The following UBE2G1 variants were observed in gnomAD, a reference collection of about 807,000 sequenced individuals.
UBE2G1 encodes ubiquitin conjugating enzyme E2 G1.
UBE2G1 carries 5 observed loss-of-function variants against 22.7 expected under a neutral mutation model. The ratio of observed to expected loss-of-function variants is 0.22; its 90% CI spans 0.12 to 0.46. UBE2G1 has a LOEUF of 0.46. Among genes scored for constraint, UBE2G1 ranks in the 20% least tolerant of loss-of-function variants. UBE2G1 has a pLI of 0.99. For missense variants in UBE2G1, 88 were observed against 203.9 expected (o/e 0.43, Z 3.46); for synonymous variants, 74 against 67.5 (o/e 1.10, Z -0.47).
chr17:4,356,184 C>G (rs924746505), intron 1 of UBE2G1, among the ~76,000 whole-genome samples: 3 of 150,812 alleles, frequency 2.0e-5, no homozygotes, highest in Admixed American at 2.0e-4. Flanking sequence ...GGAGAAACCC[C>G]GTCTCTACTA....
chr17:4,341,734 C>G (rs2032572642), intron 1 of UBE2G1, among the ~76,000 whole-genome samples: 1 of 152,178 alleles, frequency 6.6e-6, no homozygotes, highest in Admixed American at 6.5e-5. Flanking sequence ...AGGCTCATAC[C>G]AATCCGTCCA....
intron 1 of UBE2G1, among the ~76,000 whole-genome samples, chr17:4,313,140 A>G (rs900725468): frequency 6.6e-6 from 1 of 152,240 alleles, no homozygotes; most frequent in African/African-American, 2.4e-5. Flanking sequence ...AGATATAAAC[A>G]AAGAGGTATA....
At chr17:4,302,998 G>T (rs779895044) in intron 2 of UBE2G1, among the ~76,000 whole-genome samples, 1 of 152,092 alleles carries the variant, frequency 6.6e-6, no homozygotes, top group Non-Finnish European at 1.5e-5. Context: ...GAAAAACACA[G>T]GAGCTTCTTT....
chr17:4,290,200 C>T (rs534917729), intron 3 of UBE2G1, among the ~76,000 whole-genome samples: 18 of 151,922 alleles, frequency 1.2e-4, no homozygotes, highest in Non-Finnish European at 1.5e-4. Context: ...ATTTACCCAC[C>T]GTAAATTTTT....
intron 5 of UBE2G1, among the ~76,000 whole-genome samples, chr17:4,279,212 T>G (rs1234094083): frequency 6.7e-6 from 1 of 149,852 alleles, no homozygotes; most frequent in Non-Finnish European, 1.5e-5. Flanking sequence ...GAGGCGGAGG[T>G]TGCAGTGAGC....
At chr17:4,283,073 T>G in intron 4 of UBE2G1, 152 bp from the exon 5 acceptor site, 1 of 632,190 alleles carries the variant, frequency 1.6e-6, no homozygotes, top group Non-Finnish European at 2.6e-6. Context: ...TTAGACATAC[T>G]TTTTCAAGAC....
intron 1 of UBE2G1, among the ~76,000 whole-genome samples, chr17:4,319,900 A>G (rs1001912946): frequency 6.6e-6 from 1 of 152,148 alleles, no homozygotes; most frequent in Admixed American, 6.5e-5. Flanking sequence ...GAAAGGGACC[A>G]GTGTAGTTAC....
At chr17:4,364,314 A>G (rs1397195401) in intron 1 of UBE2G1, 1 of 133,584 alleles carries the variant, frequency 7.5e-6, no homozygotes, top group Non-Finnish European at 1.6e-5. Flanking sequence ...TTTTTGAGAC[A>G]CAGTCTCGCT....
intron 1 of UBE2G1, among the ~76,000 whole-genome samples, chr17:4,357,213 G>C (rs1025756927): frequency 6.6e-6 from 1 of 152,016 alleles, no homozygotes; most frequent in Non-Finnish European, 1.5e-5. Flanking sequence ...TGTCCCTCCT[G>C]CCTATCACTT....
At chr17:4,355,596 C>G (rs1381977463) in intron 1 of UBE2G1, among the ~76,000 whole-genome samples, 1 of 142,306 alleles carries the variant, frequency 7.0e-6, no homozygotes, top group African/African-American at 2.6e-5. Flanking sequence ...GGGCTGAGAT[C>G]GTGCCACTAC....
intron 1 of UBE2G1, among the ~76,000 whole-genome samples, chr17:4,348,910 C>G (rs1969812712): frequency 6.6e-6 from 1 of 151,584 alleles, no homozygotes. Context: ...ATAATAGGGC[C>G]GGGCACGGTC....
intron 4 of UBE2G1, 120 bp downstream of exon 4, chr17:4,289,106 TACAC>T (rs71144179): frequency 0.41 from 212,333 of 514,616 alleles, 33,072 homozygotes; most frequent in East Asian, 0.58. Flanking sequence ...TGGGAAGAGA[TACAC>T]ACACACACAC....
At chr17:4,316,352 A>C (rs1051340912) in intron 1 of UBE2G1, among the ~76,000 whole-genome samples, 31 of 152,284 alleles carry the variant, frequency 2.0e-4, no homozygotes, top group African/African-American at 7.5e-4. Context: ...CCCTTTACCC[A>C]AACAGTACAT....
chr17:4,350,421 T>C (rs528446409), intron 1 of UBE2G1, among the ~76,000 whole-genome samples: 31 of 152,186 alleles, frequency 2.0e-4, no homozygotes, highest in South Asian at 1.0e-3. Context: ...ATTGTGCCAC[T>C]GCACTCCAGC....
intron 2 of UBE2G1, among the ~76,000 whole-genome samples, chr17:4,300,543 C>T (rs2143718415): frequency 6.6e-6 from 1 of 150,634 alleles, no homozygotes; most frequent in South Asian, 2.1e-4. Context: ...ACTCTGTCTC[C>T]AAAAATAATA....
chr17:4,320,128 G>A (rs1033373245), intron 1 of UBE2G1, among the ~76,000 whole-genome samples: 3 of 151,706 alleles, frequency 2.0e-5, no homozygotes, highest in South Asian at 2.1e-4. Flanking sequence ...CTGTATTGTC[G>A]TAATTTTACA....
Position 4,282,820 on chromosome 17 carries a change from G to C in UBE2G1, c.*15C>G, listed in dbSNP as rs1425472208. 6.2e-7 allele frequency: 1 copy of C among 1,603,084 alleles called. No individual in the cohort carries two copies. On this transcript the variant is annotated 3_prime_UTR_variant, in exon 5 of 6. Coordinates refer to ENST00000396981, the MANE Select transcript of UBE2G1 (RefSeq NM_003342.5). ...TACCCTGAAATAAGTGAAGTTACTA[G>C]CTGCTAAATAAATGTCACTCAAAAG...
At chr17:4,291,423 T>G (rs1202673596) in intron 3 of UBE2G1, among the ~76,000 whole-genome samples, 2 of 151,846 alleles carry the variant, frequency 1.3e-5, no homozygotes, top group African/African-American at 4.8e-5. Flanking sequence ...GCATAAAAAT[T>G]TCATAGAGTA....
intron 1 of UBE2G1, among the ~76,000 whole-genome samples, chr17:4,348,034 T>A (rs966710731): frequency 6.6e-6 from 1 of 152,186 alleles, no homozygotes; most frequent in Non-Finnish European, 1.5e-5. Flanking sequence ...CTCTAAATGT[T>A]CAAGTGGTCT....
Sources: allele counts gnomAD v4.1 joint callset (sites outside exome capture counted in the v4.1 genomes callset), GRCh38; gene constraint gnomAD v4.1.1; transcripts MANE v1.5; gene names NCBI Gene and HGNC (gene_info 2026-07-23, HGNC 2026-07-21).